Variants in INTS9 observed in about 807,000 individuals in gnomAD.
INTS9 encodes the protein protein related to CPSF subunits of 74 kDa.
INTS9 carries 55 observed loss-of-function variants against 79.7 expected under a neutral mutation model. That is an observed-to-expected ratio of 0.69 (90% CI 0.56 to 0.86). The LOEUF (loss-of-function observed/expected upper bound fraction) is 0.86, where lower values mean the gene tolerates loss of function less well. Ranked by LOEUF, INTS9 falls within the 40% of genes least tolerant of loss-of-function variation. INTS9 has a pLI of 0.00. For synonymous variants in INTS9, 319 were observed against 325.2 expected (o/e 0.98, Z 0.20); for missense variants, 721 against 831.5 (o/e 0.87, Z 1.64).
intron 4 of INTS9, 126 bp downstream of exon 4, chr8:28,846,621 C>G (rs945297586): frequency 7.0e-6 from 5 of 709,760 alleles, no homozygotes; most frequent in Non-Finnish European, 9.9e-6. Context: ...AACAATGTGC[C>G]TGGAATAACA....
rs997843252 is a variant in INTS9, at chr8:28,834,289, G to A, written c.488+1003C>T. ...CTCTGCATTCCTGTCCATCCTTTACGCTGCTTCCAGAGTTACTTTCCCCAA... is the reference window on the plus strand; with the variant it reads ...CTCTGCATTCCTGTCCATCCTTTACACTGCTTCCAGAGTTACTTTCCCCAA... On this transcript the variant is annotated intron_variant, in intron 6 of 16. Transcript: ENST00000521022. Among the ~76,000 whole-genome samples, 9 of 152,082 alleles carry A rather than the reference G, an allele frequency of 5.9e-5. No homozygotes were observed. The South Asian group carries it at 1.9e-3, about 32-fold the overall frequency.
chr8:28,807,254 T>A (rs1284417216), intron 8 of INTS9, among the ~76,000 whole-genome samples: 1 of 152,148 alleles, frequency 6.6e-6, no homozygotes, highest in East Asian at 1.9e-4. Flanking sequence ...AAAATATAGT[T>A]CAATAATGGT....
intron 11 of INTS9, among the ~76,000 whole-genome samples, chr8:28,783,142 CAAAAAAAAAAAA>C (rs559306996): frequency 0.47 from 52,823 of 112,936 alleles, 11,740 homozygotes; most frequent in Non-Finnish European, 0.53. Flanking sequence ...GACTCCGTCT[CAAAAAAAAAAAA>C]AAAAAAAAAA....
intron 1 of INTS9, among the ~76,000 whole-genome samples, chr8:28,860,093 A>C (rs1208217607): frequency 6.6e-6 from 1 of 152,240 alleles, no homozygotes; most frequent in Non-Finnish European, 1.5e-5. Context: ...ACTCAAAAGG[A>C]CAAGTGACTT....
At chr8:28,812,795 G>A (rs1805228494) in intron 7 of INTS9, among the ~76,000 whole-genome samples, 1 of 152,232 alleles carries the variant, frequency 6.6e-6, no homozygotes, top group African/African-American at 2.4e-5. Context: ...AGGCTGCAGT[G>A]AGCCATGTTT....
intron 2 of INTS9, among the ~76,000 whole-genome samples, chr8:28,854,730 G>C (rs1808046943): frequency 1.3e-5 from 2 of 152,140 alleles, no homozygotes; most frequent in South Asian, 4.1e-4. Context: ...CATGCAAATT[G>C]ATGGGGACAA....
intron 1 of INTS9, among the ~76,000 whole-genome samples, chr8:28,877,077 CT>C (rs1809432778): frequency 6.6e-6 from 1 of 151,952 alleles, no homozygotes; most frequent in African/African-American, 2.4e-5. Context: ...TTACTGTGAA[CT>C]AATAATTCTA....
At chr8:28,778,441 T>C (rs1803031719) in intron 12 of INTS9, among the ~76,000 whole-genome samples, 1 of 152,170 alleles carries the variant, frequency 6.6e-6, no homozygotes, top group African/African-American at 2.4e-5. Context: ...TGGAGAGGCC[T>C]GGTACAGACC....
chr8:28,824,115 T>C (rs1462805831), intron 6 of INTS9, among the ~76,000 whole-genome samples: 1 of 152,204 alleles, frequency 6.6e-6, no homozygotes, highest in Non-Finnish European at 1.5e-5. Flanking sequence ...ATGACACGCA[T>C]AATATAGGGC....
At chr8:28,810,608 C>T (rs1805058356) in intron 8 of INTS9, among the ~76,000 whole-genome samples, 1 of 152,054 alleles carries the variant, frequency 6.6e-6, no homozygotes, top group Non-Finnish European at 1.5e-5. Flanking sequence ...CCTTCTCTCT[C>T]TCTCTCTCTC....
At chr8:28,877,830 T>C (rs1809478692) in intron 1 of INTS9, among the ~76,000 whole-genome samples, 1 of 152,142 alleles carries the variant, frequency 6.6e-6, no homozygotes, top group Non-Finnish European at 1.5e-5. Flanking sequence ...ATTTTTAAAA[T>C]AGTTGGGGGA....
intron 9 of INTS9, among the ~76,000 whole-genome samples, chr8:28,795,394 C>A (rs1208844434): frequency 1.3e-5 from 2 of 152,136 alleles, no homozygotes; most frequent in Non-Finnish European, 2.9e-5. Context: ...GTAATCCCAG[C>A]ACTTTGGGAG....
chr8:28,846,875 A>C, intron 3 of INTS9, 66 bp from the exon 4 acceptor site: 1 of 1,213,600 alleles, frequency 8.2e-7, no homozygotes, highest in South Asian at 1.2e-5. Flanking sequence ...CAAAGAAATA[A>C]ACTCCCCAAA....
intron 1 of INTS9, among the ~76,000 whole-genome samples, chr8:28,871,874 C>T (rs1402078994): frequency 6.6e-6 from 1 of 151,984 alleles, no homozygotes; most frequent in East Asian, 1.9e-4. Context: ...AAATTGATAT[C>T]CTTAATATAT....
At chr8:28,798,364 A>G (rs542889619) in intron 8 of INTS9, 2 of 152,372 alleles carry the variant, frequency 1.3e-5, no homozygotes, top group South Asian at 4.1e-4. Context: ...GTTAGCTTAA[A>G]ATGGCAATCA....
At chr8:28,769,810 C>G in intron 16 of INTS9, 79 bp downstream of exon 16, 18 of 1,562,672 alleles carry the variant, frequency 1.2e-5, no homozygotes, top group East Asian at 6.7e-5. Flanking sequence ...CATCCACTCC[C>G]TGCAGCCAGG....
At chr8:28,800,925 C>T (rs1239596226) in intron 8 of INTS9, among the ~76,000 whole-genome samples, 3 of 152,090 alleles carry the variant, frequency 2.0e-5, no homozygotes, top group Admixed American at 1.3e-4. Flanking sequence ...AGATAGCAAG[C>T]GTGGAAAGAA....
chr8:28,839,400 A>G (rs1265534610), intron 4 of INTS9, among the ~76,000 whole-genome samples: 1 of 152,006 alleles, frequency 6.6e-6, no homozygotes, highest in Non-Finnish European at 1.5e-5. Flanking sequence ...CATCCCCATC[A>G]AGCTACCAAT....
chr8:28,791,189 T>C (rs900067629), intron 10 of INTS9, among the ~76,000 whole-genome samples: 5 of 152,146 alleles, frequency 3.3e-5, no homozygotes, highest in Non-Finnish European at 7.3e-5. Context: ...GTCTTGTACT[T>C]CAGTTGCACC....
Sources: gnomAD v4.1 joint callset for allele counts (sites outside exome capture counted in the v4.1 genomes callset) on GRCh38, gnomAD v4.1.1 for gene constraint, MANE v1.5 for transcripts, NCBI Gene and HGNC (gene_info 2026-07-23, HGNC 2026-07-21) for gene names.